LSAMP: variants seen among roughly 807,000 people sequenced by gnomAD.
The protein encoded by LSAMP is limbic system-associated membrane protein.
Under a neutral mutation model 38.6 loss-of-function variants are expected in LSAMP, and 7 were observed. That is an observed-to-expected ratio of 0.18 (90% confidence interval 0.10 to 0.34). The LOEUF is 0.34. LSAMP is among the 10% of genes least tolerant of loss of function. The pLI is 1.00. For synonymous variants in LSAMP, 154 were observed against 166.8 expected (o/e 0.92, Z 0.59); for missense variants, 313 against 420.0 (o/e 0.75, Z 2.23).
At chr3:116,216,755 A>G (rs746014958) in intron 1 of LSAMP, among the ~76,000 whole-genome samples, 13 of 152,216 alleles carry the variant, frequency 8.5e-5, no homozygotes, top group Non-Finnish European at 1.6e-4. Flanking sequence ...TTGGAAAGGT[A>G]GTATTAAAAA....
intron 1 of LSAMP, among the ~76,000 whole-genome samples, chr3:116,351,524 C>T (rs1253431611): frequency 6.6e-6 from 1 of 151,858 alleles, no homozygotes; most frequent in Non-Finnish European, 1.5e-5. Context: ...ACATTCTGAG[C>T]TCTCACATTA....
chr3:116,027,628 G>T (rs1358298639), intron 2 of LSAMP, among the ~76,000 whole-genome samples: 3 of 152,128 alleles, frequency 2.0e-5, no homozygotes, highest in Non-Finnish European at 4.4e-5. Flanking sequence ...TACTCCTTTG[G>T]CTTCCACATG....
intron 1 of LSAMP, among the ~76,000 whole-genome samples, chr3:116,289,418 T>C (rs1576485334): frequency 6.6e-6 from 1 of 152,220 alleles, no homozygotes; most frequent in East Asian, 1.9e-4. Flanking sequence ...GAACAAATTT[T>C]TTTTTCAAGA....
At chr3:116,270,107 T>TTTC (rs1408801673) in intron 1 of LSAMP, among the ~76,000 whole-genome samples, 1 of 152,198 alleles carries the variant, frequency 6.6e-6, no homozygotes, top group East Asian at 1.9e-4. Context: ...AAAATGTTAT[T>TTTC]TTCTTTGGTT....
intron 6 of LSAMP, among the ~76,000 whole-genome samples, chr3:115,822,554 T>G (rs2107468423): frequency 6.6e-6 from 1 of 152,180 alleles, no homozygotes; most frequent in Middle Eastern, 3.4e-3. Flanking sequence ...GAGATGGAGT[T>G]TCTCCATGTT....
At chr3:116,031,522 A>G (rs890186617) in intron 2 of LSAMP, among the ~76,000 whole-genome samples, 8 of 128,306 alleles carry the variant, frequency 6.2e-5, no homozygotes, top group Admixed American at 4.3e-4. Context: ...TCATGCCTAC[A>G]TAACTAGCCT....
chr3:116,401,252 T>C (rs1271137094), intron 1 of LSAMP, among the ~76,000 whole-genome samples: 1 of 152,202 alleles, frequency 6.6e-6, no homozygotes, highest in African/African-American at 2.4e-5. Context: ...TCTGGAATGA[T>C]TTCTTTACAT....
rs2047157843 is a variant in LSAMP at position 116,283,676 on chromosome 3, ATAATGAACCCTAT to A, written c.155+161188_155+161200del. ...GGGAATCAAAAAATAAAGATGGCTT[ATAATGAACCCTAT>A]GAATCTTGTGTTTTGTAAGAGCCAG... On this transcript the variant is annotated intron_variant, in intron 1 of 6. Coordinates refer to ENST00000490035, the MANE Select transcript of LSAMP (RefSeq NM_002338.5). Among the ~76,000 whole-genome samples the A allele has an allele frequency of 1.3e-5, 2 of 152,206 alleles. 1 individual carries two copies. Among genetic ancestry groups the A allele is most frequent in the South Asian group, 4.1e-4 (2 of 4,836 alleles).
intron 3 of LSAMP, among the ~76,000 whole-genome samples, chr3:115,954,373 G>C (rs1334698802): frequency 6.6e-6 from 1 of 152,152 alleles, no homozygotes. Context: ...ATCATCTGAT[G>C]AGATGAAACT....
chr3:116,406,228 C>G (rs762846992), intron 1 of LSAMP, among the ~76,000 whole-genome samples: 69 of 152,040 alleles, frequency 4.5e-4, no homozygotes, highest in Non-Finnish European at 8.1e-4. Flanking sequence ...TGAAGCAGTA[C>G]AGGCCACAAC....
intron 3 of LSAMP, among the ~76,000 whole-genome samples, chr3:115,934,379 G>A (rs905301509): frequency 6.6e-5 from 10 of 151,912 alleles, no homozygotes; most frequent in African/African-American, 1.4e-4. Context: ...ATTTCACTAC[G>A]TTGGCCAGGG....
intron 1 of LSAMP, among the ~76,000 whole-genome samples, chr3:116,142,753 T>C (rs1709398294): frequency 1.3e-5 from 2 of 151,948 alleles, no homozygotes; most frequent in South Asian, 2.1e-4. Flanking sequence ...CAGAGTGATA[T>C]TCACAGTAGA....
At chr3:116,005,847 T>A (rs1394387342) in intron 3 of LSAMP, among the ~76,000 whole-genome samples, 2 of 152,328 alleles carry the variant, frequency 1.3e-5, no homozygotes, top group Admixed American at 1.3e-4. Context: ...GCTCTACTGA[T>A]AGGCCATTCA....
chr3:116,307,659 C>T (rs889533092), intron 1 of LSAMP, among the ~76,000 whole-genome samples: 1 of 151,722 alleles, frequency 6.6e-6, no homozygotes, highest in Non-Finnish European at 1.5e-5. Context: ...TAATGTCCAA[C>T]AATAAAGGAC....
intron 1 of LSAMP, among the ~76,000 whole-genome samples, chr3:116,161,791 A>G (rs1240204734): frequency 6.6e-6 from 1 of 152,170 alleles, no homozygotes; most frequent in East Asian, 1.9e-4. Context: ...TTCCAAAAAA[A>G]AGTTGGATTC....
At chr3:116,202,166 C>G (rs905358880) in intron 1 of LSAMP, among the ~76,000 whole-genome samples, 1 of 150,128 alleles carries the variant, frequency 6.7e-6, no homozygotes, top group Admixed American at 6.7e-5. Flanking sequence ...GGCAGAGTCT[C>G]GCTCTGTTGC....
chr3:115,945,501 T>C (rs1462345192), intron 3 of LSAMP, among the ~76,000 whole-genome samples: 2 of 152,056 alleles, frequency 1.3e-5, no homozygotes, highest in Non-Finnish European at 2.9e-5. Context: ...AGAAAGTAAA[T>C]ACCAAAGGTC....
At chr3:116,033,712 G>T (rs886295008) in intron 2 of LSAMP, among the ~76,000 whole-genome samples, 3 of 152,046 alleles carry the variant, frequency 2.0e-5, no homozygotes, top group African/African-American at 7.2e-5. Flanking sequence ...TATACAACAT[G>T]ATGTGTCCAC....
At chr3:115,886,615 T>G (rs757023068) in intron 3 of LSAMP, among the ~76,000 whole-genome samples, 2 of 151,994 alleles carry the variant, frequency 1.3e-5, no homozygotes. Flanking sequence ...TTGTTATTGG[T>G]GCTTTCACTT....
Sources: allele counts gnomAD v4.1 joint callset (sites outside exome capture counted in the v4.1 genomes callset), GRCh38; gene constraint gnomAD v4.1.1; transcripts MANE v1.5; gene names NCBI Gene and HGNC (gene_info 2026-07-23, HGNC 2026-07-21).